The following LPP variants were observed in gnomAD, a reference collection of about 807,000 sequenced individuals.
The protein encoded by LPP is LIM domain containing preferred translocation partner in lipoma, also known as lipoma-preferred partner.
Under a neutral mutation model 60.4 loss-of-function variants are expected in LPP, and 38 were observed. The ratio of observed to expected loss-of-function variants is 0.63; its 90% confidence interval spans 0.49 to 0.83. The LOEUF (loss-of-function observed/expected upper bound fraction) is 0.83, where lower values mean the gene tolerates loss of function less well. LPP is among the 40% of genes least tolerant of loss of function. The probability of loss-of-function intolerance (pLI) is 0.00; values close to 1 mark genes in which losing one functional copy is unlikely to be tolerated. For missense variants in LPP, 902 were observed against 783.6 expected, an observed-to-expected ratio of 1.15 and a Z score of -1.80; for synonymous variants, 328 against 290.8, an observed-to-expected ratio of 1.13 and a Z score of -1.30.
At chr3:188,873,142 A>T (rs1348330559) in intron 11 of LPP, among the ~76,000 whole-genome samples, 1 of 152,208 alleles carries the variant, frequency 6.6e-6, no homozygotes, top group African/African-American at 2.4e-5. Context: ...GTTCAGAGTC[A>T]TGGAGATTTA....
At position 188,874,548 on chromosome 3, in the gene LPP, A is replaced by C; in HGVS notation, c.*69A>C. 1 of 1,549,294 alleles carries C rather than the reference A, an allele frequency of 6.5e-7. No homozygotes were observed. The highest frequency in any genetic ancestry group is 8.8e-7 in the Non-Finnish European group (1 of 1,133,652). On this transcript the variant is annotated 3_prime_UTR_variant, in exon 12 of 12. Coordinates refer to ENST00000617246, the MANE Select transcript of LPP (RefSeq NM_001375462.1). ...GAAAAAGATAAGAAATACTAGAGTA[A>C]AGGCCATCAAACTACGCGATAGTCT...
intron 8 of LPP, 21 bp downstream of exon 8, chr3:188,708,414 A>C: frequency 6.2e-7 from 1 of 1,614,162 alleles, no homozygotes; most frequent in Non-Finnish European, 8.5e-7. Context: ...CCTAGAGCTG[A>C]CTTCTGAAGT....
intron 6 of LPP, among the ~76,000 whole-genome samples, chr3:188,556,151 T>C (rs77975620): frequency 0.019 from 2,920 of 152,206 alleles, 88 homozygotes; most frequent in African/African-American, 0.063. Context: ...TAAGAACAGT[T>C]ATCGTTACTC....
intron 9 of LPP, among the ~76,000 whole-genome samples, chr3:188,789,374 A>C (rs1742964684): frequency 1.3e-5 from 2 of 152,212 alleles, no homozygotes; most frequent in Non-Finnish European, 2.9e-5. Context: ...AGCTGGGCCC[A>C]GGGGGCTGGC....
chr3:188,383,213 A>T (rs1313642707), intron 3 of LPP, among the ~76,000 whole-genome samples: 5 of 152,154 alleles, frequency 3.3e-5, no homozygotes, highest in Non-Finnish European at 7.4e-5. Flanking sequence ...CATTCTATTT[A>T]ATTCTAGCTG....
intron 6 of LPP, among the ~76,000 whole-genome samples, chr3:188,579,866 T>C (rs1010968880): frequency 5.8e-5 from 8 of 137,896 alleles, no homozygotes; most frequent in African/African-American, 7.9e-5. Flanking sequence ...GCCACTCTCA[T>C]TGGGGGTTGG....
chr3:188,434,450 C>T (rs1394503394), intron 4 of LPP, among the ~76,000 whole-genome samples: 1 of 152,104 alleles, frequency 6.6e-6, no homozygotes, highest in Non-Finnish European at 1.5e-5. Context: ...TTTGAAAACA[C>T]CAGTCTAGGA....
intron 8 of LPP, chr3:188,758,754 C>T (rs1368811521): frequency 6.6e-6 from 1 of 152,184 alleles, no homozygotes; most frequent in African/African-American, 2.4e-5. Flanking sequence ...TCCTGATGCA[C>T]AGAACTGGGA....
At chr3:188,432,174 C>A (rs1253552995) in intron 4 of LPP, among the ~76,000 whole-genome samples, 2 of 152,004 alleles carry the variant, frequency 1.3e-5, no homozygotes, top group African/African-American at 4.8e-5. Flanking sequence ...GTAAGTTGCC[C>A]AAGGCATCAT....
chr3:188,171,242 C>T (rs1721503907), intron 1 of LPP, among the ~76,000 whole-genome samples: 1 of 152,206 alleles, frequency 6.6e-6, no homozygotes, highest in Non-Finnish European at 1.5e-5. Flanking sequence ...ACTTTTGAGC[C>T]TGGCAGTATG....
chr3:188,671,540 A>G (rs1856962212), intron 7 of LPP, among the ~76,000 whole-genome samples: 1 of 152,194 alleles, frequency 6.6e-6, no homozygotes, highest in South Asian at 2.1e-4. Flanking sequence ...GGAAGATTAC[A>G]TCTTGACATG....
chr3:188,852,979 A>C (rs568224452), intron 9 of LPP, among the ~76,000 whole-genome samples: 1 of 152,006 alleles, frequency 6.6e-6, no homozygotes, highest in East Asian at 1.9e-4. Flanking sequence ...CCCCATCTCT[A>C]CTAAAAATAC....
intron 4 of LPP, among the ~76,000 whole-genome samples, chr3:188,438,354 TACACACACAC>T (rs67832532): frequency 0.023 from 3,121 of 138,078 alleles, 55 homozygotes; most frequent in African/African-American, 0.034. Flanking sequence ...TTCCATGCAT[TACACACACAC>T]ACACACACAC....
chr3:188,357,409 T>C (rs745953449), intron 3 of LPP, among the ~76,000 whole-genome samples: 1 of 152,206 alleles, frequency 6.6e-6, no homozygotes, highest in Non-Finnish European at 1.5e-5. Flanking sequence ...TCTATAGTTT[T>C]ATGAATGATG....
chr3:188,459,079 A>C (rs892740363), intron 4 of LPP, among the ~76,000 whole-genome samples: 1 of 152,174 alleles, frequency 6.6e-6, no homozygotes, highest in Non-Finnish European at 1.5e-5. Context: ...ATTAGCTAGA[A>C]TATCACTTAG....
At chr3:188,659,133 G>A (rs991858564) in intron 7 of LPP, among the ~76,000 whole-genome samples, 2 of 152,180 alleles carry the variant, frequency 1.3e-5, no homozygotes, top group African/African-American at 2.4e-5. Context: ...TCTTTATGGT[G>A]TAAAATAACC....
chr3:188,749,266 T>G (rs547579580), intron 8 of LPP, among the ~76,000 whole-genome samples: 1 of 152,192 alleles, frequency 6.6e-6, no homozygotes, highest in Non-Finnish European at 1.5e-5. Context: ...TCTGTGCATC[T>G]TGAGAGAGTG....
At chr3:188,326,777 A>ATTTAAAATTATATTTCTT (rs1758543383) in intron 2 of LPP, among the ~76,000 whole-genome samples, 2 of 152,164 alleles carry the variant, frequency 1.3e-5, no homozygotes, top group African/African-American at 4.8e-5. Flanking sequence ...TTATATTTCT[A>ATTTAAAATTATATTTCTT]ATTTAAAATT....
intron 9 of LPP, among the ~76,000 whole-genome samples, chr3:188,810,056 C>T (rs1215287735): frequency 6.6e-6 from 1 of 152,090 alleles, no homozygotes; most frequent in Non-Finnish European, 1.5e-5. Context: ...TCTTATTCTG[C>T]CTCAGGTCTT....
Sources: gnomAD v4.1 joint callset for allele counts (sites outside exome capture counted in the v4.1 genomes callset) on GRCh38, gnomAD v4.1.1 for gene constraint, MANE v1.5 for transcripts, NCBI Gene and HGNC (gene_info 2026-07-23, HGNC 2026-07-21) for gene names.